SP100: variants seen among roughly 807,000 people sequenced by gnomAD.
The protein encoded by SP100 is nuclear autoantigen Sp-100.
SP100 carries 84 observed loss-of-function variants against 130.0 expected under a neutral mutation model. The observed-to-expected ratio is 0.65, with a 90% CI of 0.54 to 0.77. The LOEUF (loss-of-function observed/expected upper bound fraction) is 0.77. SP100 is among the 30% of genes least tolerant of loss of function. The pLI is 0.00. For synonymous variants in SP100, 331 were observed against 351.7 expected (o/e 0.94, Z 0.66); for missense variants, 978 against 1,052.2 (o/e 0.93, Z 0.97).
chr2:230,496,054 A>T (rs921267423), intron 18 of SP100, among the ~76,000 whole-genome samples: 27 of 152,146 alleles, frequency 1.8e-4, no homozygotes, highest in African/African-American at 6.5e-4. Context: ...TTATTTCTAT[A>T]CCTATCTGTC....
chr2:230,439,690 T>C (rs551502745), intron 2 of SP100, among the ~76,000 whole-genome samples: 4 of 152,280 alleles, frequency 2.6e-5, no homozygotes, highest in African/African-American at 9.6e-5. Flanking sequence ...GTGCTACTTA[T>C]GATTTTGTAT....
chr2:230,496,580 A>G (rs1001369657), intron 18 of SP100, among the ~76,000 whole-genome samples: 1 of 152,140 alleles, frequency 6.6e-6, no homozygotes, highest in African/African-American at 2.4e-5. Context: ...AATAGCAAAA[A>G]CTGCAATTAC....
chr2:230,495,760 C>T (rs2066634007), intron 18 of SP100, among the ~76,000 whole-genome samples: 1 of 152,174 alleles, frequency 6.6e-6, no homozygotes, highest in Non-Finnish European at 1.5e-5. Flanking sequence ...TCCCATTCTA[C>T]TTATGCTTCT....
In SP100 at chr2:230,507,870, T is replaced by C. The variant is rs539591437; in HGVS notation, c.2014-123T>C. 2.2e-4 allele frequency: 178 copies of C among 817,634 alleles called. No homozygotes were observed. In the African/African-American group the frequency reaches 3.0e-3, roughly 14 times the overall value. 50.6% of individuals were successfully genotyped at this position (817,634 alleles called of 1,614,324 possible). On this transcript the variant is annotated intron_variant, in intron 22 of 28. Coordinates refer to ENST00000340126, the MANE Select transcript of SP100 (RefSeq NM_001080391.2). Reference sequence around the variant, plus strand: ...TCATGAAAAGTAATTTCCATGAAAATACCTTGAATTTGAGTTAATAGTGGG... The same window carrying C: ...TCATGAAAAGTAATTTCCATGAAAACACCTTGAATTTGAGTTAATAGTGGG...
intron 17 of SP100, among the ~76,000 whole-genome samples, chr2:230,477,147 G>A (rs1022908380): frequency 2.6e-5 from 4 of 152,144 alleles, no homozygotes; most frequent in Non-Finnish European, 5.9e-5. Flanking sequence ...TTACAGGCAT[G>A]AGCTACCACG....
chr2:230,464,758 C>A (rs964556434), intron 11 of SP100, among the ~76,000 whole-genome samples: 1 of 152,170 alleles, frequency 6.6e-6, no homozygotes, highest in Non-Finnish European at 1.5e-5. Flanking sequence ...ACTAGTTTAT[C>A]CCTGCTTTAT....
At chr2:230,417,739 G>T in intron 2 of SP100, 74 bp downstream of exon 2, 1 of 1,556,916 alleles carries the variant, frequency 6.4e-7, no homozygotes. Context: ...AGCTTTTCAT[G>T]TTTCTTGGCC....
chr2:230,468,659 C>CA (rs556356464), intron 13 of SP100, among the ~76,000 whole-genome samples: 67 of 151,542 alleles, frequency 4.4e-4, no homozygotes, highest in South Asian at 1.9e-3. Context: ...CCAAAAAATG[C>CA]AAAAAATTAG....
At chr2:230,444,473 C>T in intron 4 of SP100, 127 bp downstream of exon 4, 7 of 732,200 alleles carry the variant, frequency 9.6e-6, no homozygotes, top group Non-Finnish European at 1.4e-5. Flanking sequence ...ACAAAATAGA[C>T]ATGCCATGAG....
rs186030821 is a variant in SP100 at position 230,529,453 on chromosome 2, C to T, written c.2095-9814C>T. On this transcript the variant is annotated intron_variant, in intron 24 of 28. Coordinates refer to ENST00000340126, the MANE Select transcript of SP100 (RefSeq NM_001080391.2). ...TCAAAATAATAAGAGCTATTTATGA[C>T]AAACCCACAGCCAATATCATGCTGA... 8.3e-3 allele frequency among the ~76,000 whole-genome samples: 1,262 copies of T among 152,278 alleles called. 6 individuals carry two copies. The highest frequency in any genetic ancestry group is 0.013 in the Admixed American group (202 of 15,282).
At chr2:230,431,075 G>T (rs1387841931) in intron 2 of SP100, among the ~76,000 whole-genome samples, 1 of 152,198 alleles carries the variant, frequency 6.6e-6, no homozygotes, top group South Asian at 2.1e-4. Flanking sequence ...TGGCCAAATA[G>T]GGCCACCAGC....
In SP100 at chr2:230,440,428, A is replaced by C. The variant is rs191523857; in HGVS notation, c.108-2509A>C. On this transcript the variant is annotated intron_variant, in intron 2 of 28. Transcript: ENST00000340126. ...AAAACAATAAAATAACTAGGAATAA[A>C]TTTATTATTTTTTAAATTTAATTAA... 196 of 635,084 alleles carry C rather than the reference A, an allele frequency of 3.1e-4. 2 individuals carry two copies. In the East Asian group the frequency reaches 5.7e-3, roughly 19 times the overall value. The allele number at this position is 635,084 out of a possible 1,614,324, so 39.3% of individuals were successfully genotyped here.
chr2:230,447,072 G>T (rs2063743180), intron 5 of SP100, among the ~76,000 whole-genome samples, 170 bp downstream of exon 5: 1 of 152,144 alleles, frequency 6.6e-6, no homozygotes, highest in Non-Finnish European at 1.5e-5. Flanking sequence ...CCATGACAAG[G>T]CATAGTTGGC....
chr2:230,533,202 C>G (rs1330852222), intron 24 of SP100, among the ~76,000 whole-genome samples: 1 of 152,060 alleles, frequency 6.6e-6, no homozygotes, highest in Non-Finnish European at 1.5e-5. Flanking sequence ...GCTAAATTTC[C>G]AAAACTGATA....
intron 26 of SP100, 47 bp downstream of exon 26, chr2:230,541,043 G>T (rs780002409): frequency 1.3e-6 from 2 of 1,578,962 alleles, no homozygotes; most frequent in South Asian, 2.3e-5. Flanking sequence ...TGTTCACCTG[G>T]GCAGGAGAAG....
chr2:230,498,331 A>C, intron 18 of SP100, 130 bp from the exon 19 acceptor site: 1 of 438,288 alleles, frequency 2.3e-6, no homozygotes, highest in East Asian at 3.7e-5. Context: ...TTGCAAGGCT[A>C]TGTGTTACAT....
At chr2:230,541,453 C>A in intron 27 of SP100, 81 bp downstream of exon 27, 1 of 1,212,064 alleles carries the variant, frequency 8.3e-7, no homozygotes, top group Non-Finnish European at 1.2e-6. Context: ...AGGTGCCATT[C>A]TATTTGGCTT....
At chr2:230,494,348 G>T in intron 17 of SP100, 68 bp from the exon 18 acceptor site, 2 of 1,172,016 alleles carry the variant, frequency 1.7e-6, no homozygotes, top group South Asian at 2.5e-5. Flanking sequence ...GTAAACTATT[G>T]ACATATAAAG....
intron 23 of SP100, chr2:230,510,126 G>A (rs1309190971): frequency 6.6e-6 from 1 of 152,596 alleles, no homozygotes; most frequent in East Asian, 1.9e-4. Context: ...CTATCATCAT[G>A]CCTTGGATCC....
Sources: gnomAD v4.1 joint callset for allele counts (sites outside exome capture counted in the v4.1 genomes callset) on GRCh38, gnomAD v4.1.1 for gene constraint, MANE v1.5 for transcripts, NCBI Gene and HGNC (gene_info 2026-07-23, HGNC 2026-07-21) for gene names.